ADGRL3: variants seen among roughly 807,000 people sequenced by gnomAD.
The protein encoded by ADGRL3 is calcium-independent alpha-latrotoxin receptor 3.
ADGRL3 carries 62 observed loss-of-function variants against 153.5 expected under a neutral mutation model. The observed-to-expected ratio is 0.40, with a 90% CI of 0.33 to 0.50. ADGRL3 has a LOEUF of 0.50. Among genes scored for constraint, ADGRL3 ranks in the 20% least tolerant of loss-of-function variants. The pLI, the probability that ADGRL3 is intolerant of heterozygous loss-of-function variation, is 0.47. For missense variants in ADGRL3, 1,641 were observed against 1,859.4 expected, an observed-to-expected ratio of 0.88 and a Z score of 2.16; for synonymous variants, 710 against 672.5, an observed-to-expected ratio of 1.06 and a Z score of -0.86.
chr4:61,240,653 G>A (rs1754564515), intron 1 of ADGRL3, among the ~76,000 whole-genome samples: 1 of 152,022 alleles, frequency 6.6e-6, no homozygotes, highest in African/African-American at 2.4e-5. Flanking sequence ...TTTTAAGAAA[G>A]TTCAATGGGT....
chr4:61,865,378 A>G (rs1328031411), intron 9 of ADGRL3, among the ~76,000 whole-genome samples: 1 of 151,274 alleles, frequency 6.6e-6, no homozygotes, highest in Non-Finnish European at 1.5e-5. Context: ...TTAAAATAGC[A>G]TATATAACTG....
intron 5 of ADGRL3, among the ~76,000 whole-genome samples, chr4:61,648,349 CTTTTTTTTTTT>C (rs34166403): frequency 3.0e-5 from 3 of 99,670 alleles, no homozygotes; most frequent in Non-Finnish European, 5.8e-5. Flanking sequence ...ATGAAATCGG[CTTTTTTTTTTT>C]TTTTTTTTTT....
At chr4:61,608,721 C>T (rs573528950) in intron 5 of ADGRL3, among the ~76,000 whole-genome samples, 12 of 152,196 alleles carry the variant, frequency 7.9e-5, no homozygotes, top group Admixed American at 3.9e-4. Flanking sequence ...AGGTCATAGA[C>T]ACATGGAATT....
At chr4:61,682,814 G>A (rs2095365505) in intron 6 of ADGRL3, among the ~76,000 whole-genome samples, 1 of 152,060 alleles carries the variant, frequency 6.6e-6, no homozygotes, top group Admixed American at 6.6e-5. Context: ...TTGCTTGTGA[G>A]ACCTCCTTCT....
At chr4:61,800,507 A>T (rs1438124773) in intron 8 of ADGRL3, among the ~76,000 whole-genome samples, 1 of 152,160 alleles carries the variant, frequency 6.6e-6, no homozygotes, top group African/African-American at 2.4e-5. Flanking sequence ...GTTTCTTGAT[A>T]AAAAGCAGAG....
intron 2 of ADGRL3, among the ~76,000 whole-genome samples, chr4:61,428,770 T>C (rs1172140965): frequency 6.6e-6 from 1 of 152,116 alleles, no homozygotes; most frequent in African/African-American, 2.4e-5. Flanking sequence ...AACATAGACC[T>C]ATCTAACTGT....
At chr4:61,753,631 C>A (rs746399519) in intron 8 of ADGRL3, among the ~76,000 whole-genome samples, 6 of 152,118 alleles carry the variant, frequency 3.9e-5, no homozygotes, top group Admixed American at 1.3e-4. Flanking sequence ...ATGATCTAGT[C>A]TACTTTACAG....
chr4:61,804,979 G>A (rs1157401784), intron 8 of ADGRL3, among the ~76,000 whole-genome samples: 6 of 129,566 alleles, frequency 4.6e-5, no homozygotes, highest in South Asian at 2.3e-4. Flanking sequence ...TTTTTGAGAC[G>A]GAGTCTCATT....
chr4:61,756,227 A>G (rs149674277), intron 8 of ADGRL3, among the ~76,000 whole-genome samples: 13,187 of 152,048 alleles, frequency 0.087, 1,214 homozygotes, highest in African/African-American at 0.23. Context: ...CCATTTTCAC[A>G]ATATTGATTC....
chr4:62,031,351 CA>C (rs1721939516), intron 22 of ADGRL3, 90 bp from the exon 23 acceptor site: 2 of 1,069,572 alleles, frequency 1.9e-6, no homozygotes, highest in Non-Finnish European at 1.3e-6. Context: ...GTTACTGTAA[CA>C]TTTTTTTCAG....
chr4:62,064,072 G>A (rs957012663), intron 25 of ADGRL3, among the ~76,000 whole-genome samples: 6 of 152,052 alleles, frequency 3.9e-5, no homozygotes, highest in African/African-American at 9.7e-5. Flanking sequence ...TACACTCTGA[G>A]CACAAACCAT....
Position 61,498,573 on chromosome 4 carries a change from A to C in ADGRL3, c.55+1225A>C, listed in dbSNP as rs145900314. On this transcript the variant is annotated intron_variant, in intron 3 of 26. Transcript: ENST00000683033. Reference sequence around the variant, plus strand: ...TCAAAAAAAAAATGAAAACATACACAATAACAAAATAATATTAATGTGTGT... The same window carrying C: ...TCAAAAAAAAAATGAAAACATACACCATAACAAAATAATATTAATGTGTGT... 2.6e-3 allele frequency among the ~76,000 whole-genome samples: 403 copies of C among 152,202 alleles called. 3 individuals carry two copies. The highest frequency in any genetic ancestry group is 4.5e-3 in the Admixed American group (69 of 15,284).
At chr4:61,949,694 CAAATA>C (rs776241850) in intron 17 of ADGRL3, among the ~76,000 whole-genome samples, 15 of 149,680 alleles carry the variant, frequency 1.0e-4, no homozygotes, top group Non-Finnish European at 2.2e-4. Context: ...GACTCTGTCT[CAAATA>C]AAAAAAAAAA....
rs374277092 is a variant in ADGRL3 at position 61,860,315 on chromosome 4, T to C, written c.1481-32341T>C. Among the ~76,000 whole-genome samples the C allele has an allele frequency of 5.8e-4, 89 of 152,276 alleles. 1 individual carries two copies. Among genetic ancestry groups the C allele is most frequent in the African/African-American group, 2.1e-3 (86 of 41,554 alleles). On this transcript the variant is annotated intron_variant, in intron 9 of 26. Coordinates refer to ENST00000683033, the MANE Select transcript of ADGRL3 (RefSeq NM_001387552.1). Reference sequence around the variant, plus strand: ...TCCCATTTCTCCATCCCCTCACGTCTTTTTTGGTCTTTTTCTTTAACAATA... The same window carrying C: ...TCCCATTTCTCCATCCCCTCACGTCCTTTTTGGTCTTTTTCTTTAACAATA...
In ADGRL3 at chr4:61,663,243, G is replaced by T. The variant is rs200237926; in HGVS notation, c.474-13583G>T. Among the ~76,000 whole-genome samples, 57 of 152,290 alleles carry T rather than the reference G, an allele frequency of 3.7e-4. 1 individual carries two copies. In the East Asian group the frequency reaches 8.3e-3, roughly 22 times the overall value. ...GAGAATAGCTGTGGCCCTTCAGAGA[G>T]CCCAGACCTAGGAGCTCCCTGAGCC... On this transcript the variant is annotated intron_variant, in intron 5 of 26. Transcript: ENST00000683033.
At chr4:61,977,765 T>C (rs1463892865) in intron 17 of ADGRL3, among the ~76,000 whole-genome samples, 2 of 152,186 alleles carry the variant, frequency 1.3e-5, no homozygotes, top group Admixed American at 1.3e-4. Flanking sequence ...TATGTGTTTT[T>C]TAAATGTCTG....
At chr4:61,736,655 C>T (rs1172075150) in intron 8 of ADGRL3, among the ~76,000 whole-genome samples, 1 of 152,046 alleles carries the variant, frequency 6.6e-6, no homozygotes, top group Non-Finnish European at 1.5e-5. Flanking sequence ...GAGACTCCAT[C>T]TCAGAAAATA....
intron 3 of ADGRL3, among the ~76,000 whole-genome samples, chr4:61,504,176 A>G (rs1422572479): frequency 6.6e-6 from 1 of 151,926 alleles, no homozygotes; most frequent in Non-Finnish European, 1.5e-5. Context: ...AAATTTTTTC[A>G]TAAAGATGGA....
At chr4:61,993,835 T>C (rs1221245109) in intron 19 of ADGRL3, among the ~76,000 whole-genome samples, 4 of 152,160 alleles carry the variant, frequency 2.6e-5, no homozygotes, top group Non-Finnish European at 5.9e-5. Context: ...CCTTGAATTC[T>C]CTGGTTTGTT....
Sources: allele counts gnomAD v4.1 joint callset (sites outside exome capture counted in the v4.1 genomes callset), GRCh38; gene constraint gnomAD v4.1.1; transcripts MANE v1.5; gene names NCBI Gene and HGNC (gene_info 2026-07-23, HGNC 2026-07-21).